OTOGL: variants seen among roughly 807,000 people sequenced by gnomAD.
OTOGL encodes the protein otogelin-like protein.
Under a neutral mutation model 318.5 loss-of-function variants are expected in OTOGL, and 285 were observed. The observed-to-expected ratio is 0.89, with a 90% CI of 0.81 to 0.99. The LOEUF (loss-of-function observed/expected upper bound fraction) is 0.99. Among genes scored for constraint, OTOGL ranks in the 50% least tolerant of loss-of-function variants. The probability of loss-of-function intolerance (pLI) is 0.00; values close to 1 mark genes in which losing one functional copy is unlikely to be tolerated. For missense variants in OTOGL, 2,899 were observed against 2,845.6 expected, an observed-to-expected ratio of 1.02 and a Z score of -0.43; for synonymous variants, 987 against 936.5, an observed-to-expected ratio of 1.05 and a Z score of -0.99.
rs143448413 is a variant in OTOGL at position 80,191,644 on chromosome 12, TG to T, written c.-19-17767del. ...AATAAGAATGCAATATTTAAACAGT[TG>T]GCCTCTTACTGGGACAGAATATTGA... On this transcript the variant is annotated intron_variant, in intron 1 of 58. Coordinates refer to ENST00000547103, the MANE Select transcript of OTOGL (RefSeq NM_001378609.3). 5.5e-3 allele frequency among the ~76,000 whole-genome samples: 837 copies of T among 152,316 alleles called. 10 individuals carry two copies. The highest frequency in any genetic ancestry group is 0.019 in the African/African-American group (795 of 41,564).
intron 1 of OTOGL, among the ~76,000 whole-genome samples, chr12:80,105,479 T>C (rs1869402456): frequency 6.6e-6 from 1 of 152,228 alleles, no homozygotes; most frequent in Non-Finnish European, 1.5e-5. Context: ...GAAGATGTTA[T>C]TTCAGGATAA....
chr12:80,356,254 C>T (rs1889891923), intron 47 of OTOGL, 162 bp from the exon 48 acceptor site: 1 of 622,044 alleles, frequency 1.6e-6, no homozygotes, highest in African/African-American at 1.9e-5. Context: ...ATATGGCCCA[C>T]TTTGTTAGAT....
At chr12:80,367,868 AT>A in intron 54 of OTOGL, 129 bp downstream of exon 54, 2 of 639,988 alleles carry the variant, frequency 3.1e-6, no homozygotes, top group East Asian at 6.3e-5. Context: ...ATAGTCTACT[AT>A]TTTGTAATAT....
chr12:80,168,559 T>C (rs1873981291), intron 1 of OTOGL, among the ~76,000 whole-genome samples: 1 of 152,156 alleles, frequency 6.6e-6, no homozygotes, highest in South Asian at 2.1e-4. Flanking sequence ...AGCAAGAAAG[T>C]ATGAAATTAA....
chr12:80,366,740 T>C (rs1890567713), intron 53 of OTOGL, 103 bp downstream of exon 53: 1 of 321,786 alleles, frequency 3.1e-6, no homozygotes, highest in East Asian at 6.3e-5. Context: ...ACACATACAT[T>C]TTAAGCCATT....
intron 4 of OTOGL, among the ~76,000 whole-genome samples, chr12:80,213,105 T>A (rs1240777044): frequency 6.6e-6 from 1 of 152,204 alleles, no homozygotes; most frequent in East Asian, 1.9e-4. Context: ...TGAGTATACT[T>A]GTAGTTATTT....
intron 8 of OTOGL, among the ~76,000 whole-genome samples, chr12:80,231,302 A>T (rs1879336617): frequency 6.6e-6 from 1 of 152,194 alleles, no homozygotes; most frequent in Non-Finnish European, 1.5e-5. Context: ...TTATGGCAGT[A>T]GTTAGCTAGA....
intron 44 of OTOGL, among the ~76,000 whole-genome samples, chr12:80,345,701 G>A (rs925491178): frequency 5.9e-5 from 9 of 151,876 alleles, no homozygotes; most frequent in South Asian, 2.1e-4. Flanking sequence ...CAAGAGTGAC[G>A]AATTAAAAAT....
intron 57 of OTOGL, among the ~76,000 whole-genome samples, chr12:80,373,795 A>T (rs1891026004): frequency 6.6e-6 from 1 of 152,084 alleles, no homozygotes; most frequent in Non-Finnish European, 1.5e-5. Flanking sequence ...TACCTCTTGT[A>T]AGTGATAATG....
intron 1 of OTOGL, among the ~76,000 whole-genome samples, chr12:80,122,252 G>A (rs1477339412): frequency 2.0e-5 from 3 of 151,444 alleles, no homozygotes; most frequent in Non-Finnish European, 4.4e-5. Flanking sequence ...CAATGTATAA[G>A]CAAAAAAAGA....
At position 80,262,068 on chromosome 12, in the gene OTOGL, C is replaced by G. The variant is rs1393312612; in HGVS notation, c.1989C>G (p.Asp663Glu). ...CFAPVHVPVV[D>E]PCNINQQNIG... is the part of the protein sequence containing the mutation. ...CACCTGTTCATGTCCCAGTGGTGGA[C>G]CCCTGTAACATCAATCAACAAAACA... is the stretch of plus-strand genomic sequence containing the variant. The change falls in exon 19 of 59, where the codon GAC becomes GAG. Residue 663 changes from aspartate to glutamate, a missense_variant. Asp to Glu is a conservative substitution (Grantham distance 45, BLOSUM62 2). Coordinates refer to ENST00000547103, the MANE Select transcript of OTOGL (RefSeq NM_001378609.3). 1 of 1,611,326 alleles carries G rather than the reference C, an allele frequency of 6.2e-7. No individual in the cohort carries two copies. Among genetic ancestry groups the G allele is most frequent in the African/African-American group, 1.3e-5 (1 of 74,836 alleles).
chr12:80,283,314 C>T lies in OTOGL; in HGVS notation c.2928+4148C>T, dbSNP rs148269114. On this transcript the variant is annotated intron_variant, in intron 26 of 58. Transcript: ENST00000547103. ...TTCCAATAGCGTCATAAAGTCAAAC[C>T]TCCTACTCCAGTCTTTCCAAGGGTT... Among the ~76,000 whole-genome samples, 130 of 152,052 alleles carry T rather than the reference C, an allele frequency of 8.5e-4. 1 individual carries two copies. The highest frequency in any genetic ancestry group is 3.1e-3 in the African/African-American group (129 of 41,520).
At chr12:80,265,360 T>TG in intron 20 of OTOGL, 150 bp downstream of exon 20, 1 of 847,246 alleles carries the variant, frequency 1.2e-6, no homozygotes, top group Non-Finnish European at 1.8e-6. Context: ...GAAAAGCAAA[T>TG]GAAATAATAT....
At chr12:80,228,767 C>A (rs947950394) in intron 7 of OTOGL, among the ~76,000 whole-genome samples, 8 of 151,550 alleles carry the variant, frequency 5.3e-5, no homozygotes, top group African/African-American at 7.3e-5. Context: ...GAAAAATAAT[C>A]TCTCTCTTCC....
intron 23 of OTOGL, among the ~76,000 whole-genome samples, chr12:80,271,158 G>C (rs1185642352): frequency 6.6e-6 from 1 of 152,096 alleles, no homozygotes; most frequent in Non-Finnish European, 1.5e-5. Context: ...AGCCCAGGTG[G>C]CTAGCCTTCT....
In OTOGL at chr12:80,366,604, C is replaced by T. The variant is rs1335607728; in HGVS notation, c.6298C>T (p.Gln2100Ter). ...ATTTACTGCAATAGACCATAACTTC[C>T]AGAGTGATTGTGGATGCATACAGTA... Reference protein sequence around the residue: ...GEFTAIDHNFQSDCGCIQYLC... With the variant: ...GEFTAIDHNF The change falls in exon 53 of 59, where the codon CAG (glutamine) becomes TAG (stop). Residue 2100 changes from glutamine (Q) to a stop codon, truncating the protein, a stop_gained. Transcript: ENST00000547103. LOFTEE classifies it high-confidence loss of function. 1 of 1,422,130 alleles carries T rather than the reference C, an allele frequency of 7.0e-7. No homozygotes were observed. The highest frequency in any genetic ancestry group is 9.2e-7 in the Non-Finnish European group (1 of 1,083,688). 88.1% of individuals were successfully genotyped at this position (1,422,130 alleles called of 1,614,324 possible). A position where few individuals can be genotyped will look rare whatever the true frequency, so the allele number is the denominator to read the frequency against.
At chr12:80,219,173 G>A (rs1242625296) in intron 5 of OTOGL, among the ~76,000 whole-genome samples, 3 of 152,092 alleles carry the variant, frequency 2.0e-5, no homozygotes, top group Admixed American at 6.6e-5. Flanking sequence ...GTGCAATGGC[G>A]TGATCTCGGC....
chr12:80,218,795 C>CTTTTTTTTTTTTTTT (rs34204072), intron 5 of OTOGL, among the ~76,000 whole-genome samples: 2 of 118,240 alleles, frequency 1.7e-5, no homozygotes, highest in African/African-American at 3.5e-5. Context: ...CTTTTTCTTT[C>CTTTTTTTTTTTTTTT]TTTTTTTTTT....
Position 80,271,750 on chromosome 12 carries a change from C to A in OTOGL, c.2621C>A (p.Ala874Asp). 4 of 1,613,142 alleles carry A rather than the reference C, an allele frequency of 2.5e-6. No homozygotes were observed. Among genetic ancestry groups the A allele is most frequent in the Non-Finnish European group, 3.4e-6 (4 of 1,179,448 alleles). ...VNCETTCANL[A>D]MNFTCTPSSP... ...TGTGAGACTACATGTGCAAACCTAGCCATGAACTTCACCTGCACCCCATCC... is the reference window on the plus strand; with the variant it reads ...TGTGAGACTACATGTGCAAACCTAGACATGAACTTCACCTGCACCCCATCC... Residue 874 changes from alanine to aspartate, a missense_variant, in exon 24 of 59, where the codon GCC becomes GAC. Physicochemically the swap from Ala to Asp is moderately radical, Grantham distance 126. Transcript: ENST00000547103.
Sources: gnomAD v4.1 joint callset for allele counts (sites outside exome capture counted in the v4.1 genomes callset) on GRCh38, gnomAD v4.1.1 for gene constraint, MANE v1.5 for transcripts, NCBI Gene and HGNC (gene_info 2026-07-23, HGNC 2026-07-21) for gene names.